PRMT7: variants seen among roughly 807,000 people sequenced by gnomAD.
The protein encoded by PRMT7 is protein arginine N-methyltransferase 7.
A neutral mutation model predicts 85.4 loss-of-function variants in PRMT7; 75 were observed. That is an observed-to-expected ratio of 0.88 (90% CI 0.73 to 1.06). The LOEUF (loss-of-function observed/expected upper bound fraction) is 1.06, where lower values mean the gene tolerates loss of function less well. Among genes scored for constraint, PRMT7 ranks in the 50% least tolerant of loss-of-function variants. PRMT7 has a pLI of 0.00. For synonymous variants in PRMT7, 397 were observed against 359.5 expected, an observed-to-expected ratio of 1.10 and a Z score of -1.18; for missense variants, 868 against 915.2, an observed-to-expected ratio of 0.95 and a Z score of 0.67.
At chr16:68,313,314 C>T (rs961718882) in intron 2 of PRMT7, among the ~76,000 whole-genome samples, 3 of 152,160 alleles carry the variant, frequency 2.0e-5, no homozygotes, top group Admixed American at 6.5e-5. Context: ...AACACCCAGT[C>T]ATCACGCTTA....
rs200868147 is a variant in PRMT7, at chr16:68,339,481, G to A, written c.664G>A (p.Ala222Thr). The A allele has an allele frequency of 1.4e-5, 23 of 1,614,008 alleles. No individual in the cohort carries two copies. The African/African-American group carries it at 1.9e-4, about 13-fold the overall frequency. The change falls in exon 8 of 19, where the codon GCA (alanine) becomes ACA (threonine). Residue 222 changes from alanine to threonine, a missense_variant. Ala to Thr is a moderately conservative substitution (Grantham distance 58, BLOSUM62 0). Coordinates refer to ENST00000441236, the MANE Select transcript of PRMT7 (RefSeq NM_019023.5). Reference sequence around the variant, plus strand: ...CGTTGACGTGGAGAGCTGCCCTGGCGCACCCTCTGTCTGTGACATTCAGCT... The same window carrying A: ...CGTTGACGTGGAGAGCTGCCCTGGCACACCCTCTGTCTGTGACATTCAGCT... Reference protein sequence around the residue: ...PPVDVESCPGAPSVCDIQLNQ... With the variant: ...PPVDVESCPGTPSVCDIQLNQ...
chr16:68,330,627 C>T (rs1402421233), intron 6 of PRMT7, among the ~76,000 whole-genome samples: 1 of 152,056 alleles, frequency 6.6e-6, no homozygotes, highest in Admixed American at 6.6e-5. Context: ...CAGAGTCTCA[C>T]TCTGTTGCCC....
At chr16:68,317,353 C>A (rs2081987625) in intron 3 of PRMT7, among the ~76,000 whole-genome samples, 1 of 151,762 alleles carries the variant, frequency 6.6e-6, no homozygotes, top group African/African-American at 2.4e-5. Context: ...TTTCTCAGTT[C>A]TAAAGGAAGA....
At chr16:68,313,892 G>A (rs570998414) in intron 2 of PRMT7, among the ~76,000 whole-genome samples, 2 of 152,276 alleles carry the variant, frequency 1.3e-5, no homozygotes, top group South Asian at 4.1e-4. Flanking sequence ...TAATGATCAT[G>A]CCTGTGAATA....
Position 68,337,527 on chromosome 16 carries a change from G to A in PRMT7, c.460G>A (p.Gly154Arg), listed in dbSNP as rs2084881954. 1 of 1,611,542 alleles carries A rather than the reference G, an allele frequency of 6.2e-7. No individual in the cohort carries two copies. The stretch of plus-strand genomic sequence containing the variant: ...GTTTGACACAGAGCTGATCGGGGAG[G>A]GGGCGCTGCCCTCCTATGAGCACGC... ...ELFDTELIGE[G>R]ALPSYEHAHR... Residue 154 changes from glycine to arginine, a missense_variant, in exon 7 of 19, where the codon GGG becomes AGG. Physicochemically the swap from Gly to Arg is moderately radical, Grantham distance 125. Coordinates refer to ENST00000441236, the MANE Select transcript of PRMT7 (RefSeq NM_019023.5).
chr16:68,353,342 G>A (rs2087700250), intron 15 of PRMT7, 150 bp from the exon 16 acceptor site: 3 of 1,464,936 alleles, frequency 2.0e-6, no homozygotes, highest in South Asian at 1.3e-5. Flanking sequence ...TACAGAAACC[G>A]TTGTGGATCT....
intron 6 of PRMT7, among the ~76,000 whole-genome samples, chr16:68,337,196 G>T (rs2084822448): frequency 6.6e-6 from 1 of 151,770 alleles, no homozygotes; most frequent in South Asian, 2.1e-4. Flanking sequence ...CAGAATAGCT[G>T]TAAGAGCAGT....
rs1201730206 is a variant in PRMT7 at position 68,352,323 on chromosome 16, C to T, written c.1489C>T (p.Arg497Trp). The T allele has an allele frequency of 1.3e-5, 21 of 1,613,074 alleles. No individual in the cohort carries two copies. The highest frequency in any genetic ancestry group is 5.3e-5 in the African/African-American group (4 of 75,060). ...PWHNLYFWYVRTAVDQHLGPG... is the reference protein window; with the variant it reads ...PWHNLYFWYVWTAVDQHLGPG... The stretch of plus-strand genomic sequence containing the variant: ...GCACAACCTCTACTTCTGGTACGTG[C>T]GGACCGCTGTGGACCAGCACCTGGG... Residue 497 changes from arginine (R) to tryptophan (W), a missense_variant, in exon 15 of 19, where the codon CGG becomes TGG. Transcript: ENST00000441236.
At position 68,357,256 on chromosome 16, in the gene PRMT7, TG is replaced by T; in HGVS notation, c.*36del. 6.3e-7 allele frequency: 1 copy of T among 1,584,326 alleles called. No individual in the cohort carries two copies. The highest frequency in any genetic ancestry group is 8.6e-7 in the Non-Finnish European group (1 of 1,163,478). ...TTGAGCAATAAAGTGGCCTGAGGGC[TG>T]GGGTTCTGAGTGGCTCATGGCTTTC... On this transcript the variant is annotated 3_prime_UTR_variant, in exon 19 of 19. Transcript: ENST00000441236.
intron 10 of PRMT7, 55 bp downstream of exon 10, chr16:68,345,857 TC>T (rs2086279673): frequency 1.9e-6 from 3 of 1,606,064 alleles, no homozygotes; most frequent in African/African-American, 1.3e-5. Flanking sequence ...GTATGTAAAT[TC>T]CCCATTTACA....
intron 2 of PRMT7, among the ~76,000 whole-genome samples, chr16:68,314,917 A>G (rs2044487958): frequency 6.6e-6 from 1 of 152,176 alleles, no homozygotes; most frequent in Non-Finnish European, 1.5e-5. Context: ...GTTTTTAAAA[A>G]TTGCTTTTAA....
intron 15 of PRMT7, chr16:68,352,691 A>G (rs985721629): frequency 3.5e-6 from 1 of 284,940 alleles, no homozygotes; most frequent in East Asian, 7.2e-5. Context: ...TTCAGAAGCC[A>G]TGCCGTGTGG....
At chr16:68,351,795 G>A (rs2041169836) in intron 14 of PRMT7, 1 of 154,672 alleles carries the variant, frequency 6.5e-6, no homozygotes, top group East Asian at 1.9e-4. Flanking sequence ...GCCTGGGGAG[G>A]GAGACGGAGA....
chr16:68,344,456 C>G (rs183777143), intron 9 of PRMT7, among the ~76,000 whole-genome samples: 1 of 152,322 alleles, frequency 6.6e-6, no homozygotes, highest in South Asian at 2.1e-4. Context: ...TTCCGGGCCC[C>G]GTGGCCTTCA....
intron 3 of PRMT7, among the ~76,000 whole-genome samples, chr16:68,317,563 C>T (rs960690067): frequency 1.3e-5 from 2 of 152,194 alleles, no homozygotes; most frequent in African/African-American, 2.4e-5. Flanking sequence ...CACAGTGGCT[C>T]ATGCCTGTAA....
intron 9 of PRMT7, among the ~76,000 whole-genome samples, chr16:68,341,239 G>A (rs1457319935): frequency 6.6e-6 from 1 of 152,166 alleles, no homozygotes; most frequent in African/African-American, 2.4e-5. Flanking sequence ...AGTGGGAAAG[G>A]TGTGTCGGAA....
chr16:68,360,169 C>G (rs1304031396), downstream of PRMT7: 3 of 152,604 alleles, frequency 2.0e-5, no homozygotes, highest in African/African-American at 7.2e-5. Flanking sequence ...AGCCGGCACG[C>G]AGGTGGGGCA....
At chr16:68,360,124 C>T, downstream of PRMT7, 1 of 152,726 alleles carries the variant, frequency 6.5e-6, no homozygotes, top group East Asian at 1.9e-4. Context: ...AGAGCCGCAG[C>T]CCCACCCGGG....
intron 4 of PRMT7, chr16:68,324,168 A>T (rs1207421643): frequency 1.3e-5 from 2 of 155,020 alleles, no homozygotes; most frequent in Admixed American, 1.3e-4. Flanking sequence ...CGAGAAGATT[A>T]GGATTTCCAG....
Sources: allele counts gnomAD v4.1 joint callset (sites outside exome capture counted in the v4.1 genomes callset), GRCh38; gene constraint gnomAD v4.1.1; transcripts MANE v1.5; gene names NCBI Gene and HGNC (gene_info 2026-07-23, HGNC 2026-07-21).